DGKI: variants seen among roughly 807,000 people sequenced by gnomAD.
The protein encoded by DGKI is DAG kinase iota.
DGKI carries 55 observed loss-of-function variants against 147.5 expected under a neutral mutation model. The observed-to-expected ratio is 0.37, with a 90% CI of 0.30 to 0.47. The LOEUF is 0.47. DGKI is among the 20% of genes least tolerant of loss of function. DGKI has a pLI of 1.00. For synonymous variants in DGKI, 469 were observed against 477.1 expected, an observed-to-expected ratio of 0.98 and a Z score of 0.22; for missense variants, 1,007 against 1,323.8, an observed-to-expected ratio of 0.76 and a Z score of 3.71.
chr7:137,405,770 G>A (rs1811923054), intron 30 of DGKI, among the ~76,000 whole-genome samples: 1 of 151,952 alleles, frequency 6.6e-6, no homozygotes, highest in Non-Finnish European at 1.5e-5. Flanking sequence ...AGGATCTTGG[G>A]AAAAAAAGAC....
chr7:137,560,220 A>T (rs1728495), intron 19 of DGKI, among the ~76,000 whole-genome samples: 16,642 of 152,188 alleles, frequency 0.11, 2,056 homozygotes, highest in African/African-American at 0.3. Flanking sequence ...AAAGCTGCAG[A>T]AAAAAAGAGG....
chr7:137,471,506 C>T (rs1176208443), intron 23 of DGKI, among the ~76,000 whole-genome samples: 1 of 152,198 alleles, frequency 6.6e-6, no homozygotes, highest in African/African-American at 2.4e-5. Context: ...ATCACTTGTT[C>T]TCAAAGTGTG....
intron 1 of DGKI, among the ~76,000 whole-genome samples, chr7:137,745,229 G>A (rs1398346274): frequency 6.6e-6 from 1 of 152,180 alleles, no homozygotes; most frequent in Non-Finnish European, 1.5e-5. Flanking sequence ...TTATGGAAAG[G>A]ATTACTTTGA....
At chr7:137,706,068 C>T (rs893754871) in intron 1 of DGKI, among the ~76,000 whole-genome samples, 2 of 151,750 alleles carry the variant, frequency 1.3e-5, no homozygotes, top group African/African-American at 2.4e-5. Context: ...GGAATCACCA[C>T]CCAGATTAGC....
rs531913946 is a variant in DGKI at position 137,761,773 on chromosome 7, A to G, written c.402-71771T>C. ...TACCACAGTAGATGGTGGGCCCACA[A>G]ATCTCTATGTTCCTCCAGACTTCTC... On this transcript the variant is annotated intron_variant, in intron 1 of 32. Transcript: ENST00000614521. Among the ~76,000 whole-genome samples, 6 of 152,254 alleles carry G rather than the reference A, an allele frequency of 3.9e-5. No homozygotes were observed. In the South Asian group the frequency reaches 6.2e-4, roughly 16 times the overall value.
chr7:137,629,029 TTCC>T (rs1429242671), intron 6 of DGKI, among the ~76,000 whole-genome samples: 1 of 152,220 alleles, frequency 6.6e-6, no homozygotes, highest in Non-Finnish European at 1.5e-5. Context: ...AGAGTTGATA[TTCC>T]TCCTACCTCC....
intron 1 of DGKI, among the ~76,000 whole-genome samples, chr7:137,822,711 A>G (rs75348224): frequency 0.016 from 2,483 of 152,128 alleles, 86 homozygotes; most frequent in African/African-American, 0.057. Flanking sequence ...AGAAAACAGA[A>G]TTAATGTAGG....
At chr7:137,746,656 T>C (rs985687087) in intron 1 of DGKI, among the ~76,000 whole-genome samples, 2 of 152,112 alleles carry the variant, frequency 1.3e-5, no homozygotes, top group African/African-American at 4.8e-5. Flanking sequence ...TTATTCCCTA[T>C]GGCAGGGAAA....
chr7:137,563,921 T>C (rs1016331365), intron 19 of DGKI, among the ~76,000 whole-genome samples: 11 of 152,106 alleles, frequency 7.2e-5, no homozygotes, highest in Admixed American at 2.6e-4. Flanking sequence ...TTTTTGCAGA[T>C]AATAACAGAT....
At chr7:137,472,502 T>C (rs1387724111) in intron 23 of DGKI, among the ~76,000 whole-genome samples, 1 of 145,582 alleles carries the variant, frequency 6.9e-6, no homozygotes, top group African/African-American at 2.5e-5. Context: ...CACGTGTATA[T>C]ATTTCCTCTT....
chr7:137,786,725 T>C (rs1796682630), intron 1 of DGKI, among the ~76,000 whole-genome samples: 1 of 150,022 alleles, frequency 6.7e-6, no homozygotes, highest in Non-Finnish European at 1.5e-5. Context: ...CTCTAAACTA[T>C]ACTATAAGGC....
In DGKI at chr7:137,846,924, T is replaced by G; in HGVS notation, c.-62A>C. On this transcript the variant is annotated 5_prime_UTR_variant, in exon 1 of 33. Transcript: ENST00000614521. The surrounding 1 kb of genome is among the most constrained non-coding windows in gnomAD (Gnocchi z 4.0). ...CCGCTCACTCCCCCGCCCCGGCCAA[T>G]CAGAGGCCGCCGCTCCCCGCCTCCC... 9.4e-7 allele frequency: 1 copy of G among 1,060,034 alleles called. No individual in the cohort carries two copies. Among genetic ancestry groups the G allele is most frequent in the Non-Finnish European group, 1.1e-6 (1 of 874,204 alleles). The allele number at this position is 1,060,034 out of a possible 1,614,324, so 65.7% of individuals were successfully genotyped here.
intron 27 of DGKI, among the ~76,000 whole-genome samples, chr7:137,453,966 T>A (rs2128921805): frequency 6.6e-6 from 1 of 152,248 alleles, no homozygotes; most frequent in African/African-American, 2.4e-5. Flanking sequence ...TAGATATATT[T>A]GGCTTTTAGA....
At chr7:137,471,984 CATTAT>C (rs576877116) in intron 23 of DGKI, among the ~76,000 whole-genome samples, 83 of 135,952 alleles carry the variant, frequency 6.1e-4, no homozygotes, top group Admixed American at 2.6e-3. Context: ...TGTATATATA[CATTAT>C]ATTATATATG....
chr7:137,471,132 C>T (rs892310262), intron 23 of DGKI, among the ~76,000 whole-genome samples: 1 of 152,148 alleles, frequency 6.6e-6, no homozygotes, highest in African/African-American at 2.4e-5. Flanking sequence ...TAGTTTACAA[C>T]ATGTGATTTG....
At chr7:137,502,496 T>C (rs755158332) in intron 21 of DGKI, among the ~76,000 whole-genome samples, 4 of 143,398 alleles carry the variant, frequency 2.8e-5, no homozygotes, top group Non-Finnish European at 6.1e-5. Context: ...GAAGAGAAAA[T>C]GGAGGAAAAA....
intron 3 of DGKI, among the ~76,000 whole-genome samples, chr7:137,674,744 TCTC>T (rs1303074194): frequency 6.6e-6 from 1 of 152,186 alleles, no homozygotes; most frequent in African/African-American, 2.4e-5. Context: ...CCCGAAATGT[TCTC>T]CTTCTTCAAA....
At chr7:137,750,967 C>A (rs1479478702) in intron 1 of DGKI, among the ~76,000 whole-genome samples, 1 of 152,128 alleles carries the variant, frequency 6.6e-6, no homozygotes, top group Non-Finnish European at 1.5e-5. Context: ...GATCTCTCGG[C>A]CCCCGTCTTT....
At chr7:137,803,127 A>G (rs1180294772) in intron 1 of DGKI, among the ~76,000 whole-genome samples, 1 of 152,196 alleles carries the variant, frequency 6.6e-6, no homozygotes, top group African/African-American at 2.4e-5. Flanking sequence ...GAAGCAAGTG[A>G]GCGATTAAAG....
Sources: allele counts gnomAD v4.1 joint callset (sites outside exome capture counted in the v4.1 genomes callset), GRCh38; gene constraint gnomAD v4.1.1; non-coding constraint Gnocchi (gnomAD v3.1); transcripts MANE v1.5; gene names NCBI Gene and HGNC (gene_info 2026-07-23, HGNC 2026-07-21).